The following ZNF75D variants were observed in gnomAD, a reference collection of about 807,000 sequenced individuals.
The protein encoded by ZNF75D is zinc finger protein 75.
ZNF75D carries 33 observed loss-of-function variants against 33.3 expected under a neutral mutation model. That is an observed-to-expected ratio of 0.99 (90% CI 0.75 to 1.32). ZNF75D has a LOEUF of 1.32. ZNF75D is among the 40% of genes most tolerant of loss of function. ZNF75D has a pLI of 0.00. For synonymous variants in ZNF75D, 113 were observed against 130.6 expected (o/e 0.87, Z 0.92); for missense variants, 338 against 367.5 (o/e 0.92, Z 0.66).
At position 135,287,015 on chromosome X, in the gene ZNF75D, T is replaced by A; in HGVS notation, c.*122A>T. ...AAAACAGACAGCTTAGATTCCTTTT[T>A]GTGAAGTGTAACATGTACCCTTCCC... is the stretch of plus-strand genomic sequence containing the variant. On this transcript the variant is annotated 3_prime_UTR_variant, in exon 7 of 7. Transcript: ENST00000370766. 2 of 575,117 alleles carry A rather than the reference T, an allele frequency of 3.5e-6. No individual in the cohort carries two copies. Among genetic ancestry groups the A allele is most frequent in the Non-Finnish European group, 5.6e-6 (2 of 360,199 alleles). The allele number at this position is 575,117 out of a possible 1,213,427, so 47.4% of individuals were successfully genotyped here. A position where few individuals can be genotyped will look rare whatever the true frequency, so the allele number is the denominator to read the frequency against.
rs782121117 is a variant in ZNF75D, at chrX:135,335,926, T to C, written c.-391+5842A>G. 5.3e-5 allele frequency among the ~76,000 whole-genome samples: 6 copies of C among 112,171 alleles called. No individual in the cohort carries two copies. In the South Asian group the frequency reaches 2.2e-3, roughly 42 times the overall value. ...GAATTTTATGGTAATCACCAACTTA[T>C]CCTTTTTTTGTTTTTGCTTCCCACC... On this transcript the variant is annotated intron_variant, in intron 1 of 6. Coordinates refer to ENST00000370766, the MANE Select transcript of ZNF75D (RefSeq NM_007131.5).
chrX:135,316,978 G>A (rs1488558839), intron 1 of ZNF75D, among the ~76,000 whole-genome samples: 1 of 110,440 alleles, frequency 9.1e-6, no homozygotes, highest in Non-Finnish European at 1.9e-5. Flanking sequence ...CTTTTTGATT[G>A]AAATCTGGTT....
At chrX:135,311,477 T>C (rs1008030167) in intron 1 of ZNF75D, among the ~76,000 whole-genome samples, 3 of 112,605 alleles carry the variant, frequency 2.7e-5, no homozygotes, top group Admixed American at 9.4e-5. Context: ...TGTGTATACA[T>C]TGTGAAATGG....
In ZNF75D at chrX:135,292,621, T is replaced by C. The variant is rs782122617; in HGVS notation, c.412-148A>G. 4.1e-4 allele frequency: 192 copies of C among 472,266 alleles called. 4 individuals carry two copies. In the South Asian group the frequency reaches 7.9e-3, roughly 19 times the overall value. The allele number at this position is 472,266 out of a possible 1,213,427, so 38.9% of individuals were successfully genotyped here. On this transcript the variant is annotated intron_variant, in intron 3 of 6. Transcript: ENST00000370766. ...AGAATGAAGAGGTATTGTGCCACTA[T>C]GTTCTCATAAAGAACTATACTCAAA...
intron 1 of ZNF75D, among the ~76,000 whole-genome samples, chrX:135,303,978 T>C (rs2084253683): frequency 8.9e-6 from 1 of 112,599 alleles, no homozygotes; most frequent in South Asian, 3.7e-4. Context: ...CCTAACATAA[T>C]GCTCAAAGAG....
intron 1 of ZNF75D, among the ~76,000 whole-genome samples, chrX:135,300,682 G>A (rs1435915365): frequency 9.2e-6 from 1 of 108,923 alleles, no homozygotes; most frequent in Non-Finnish European, 1.9e-5. Context: ...AGGAGGCGGA[G>A]GTTGCAGTGA....
At chrX:135,331,415 C>G (rs782531104) in intron 1 of ZNF75D, among the ~76,000 whole-genome samples, 19 of 109,842 alleles carry the variant, frequency 1.7e-4, no homozygotes, top group African/African-American at 6.0e-4. Context: ...AGCTAAAGGA[C>G]TGGGAAATAC....
At chrX:135,256,417 G>T (rs782735528) in intron 1 of ZNF75D, among the ~76,000 whole-genome samples, 2 of 110,959 alleles carry the variant, frequency 1.8e-5, no homozygotes, top group Non-Finnish European at 3.8e-5. Flanking sequence ...CCACACACAG[G>T]TGTGTGTGTG....
intron 1 of ZNF75D, among the ~76,000 whole-genome samples, chrX:135,341,471 C>T (rs2084783036): frequency 8.9e-6 from 1 of 111,913 alleles, no homozygotes; most frequent in South Asian, 3.7e-4. Context: ...AGTTTTAGTT[C>T]AGCTTTGTCT....
At chrX:135,273,869 G>C (rs1157921017) in intron 1 of ZNF75D, among the ~76,000 whole-genome samples, 2 of 112,051 alleles carry the variant, frequency 1.8e-5, no homozygotes, top group African/African-American at 3.2e-5. Context: ...ATGTATCCAG[G>C]CTTTGGTGCT....
At chrX:135,265,291 A>G (rs1344528447) in intron 1 of ZNF75D, among the ~76,000 whole-genome samples, 1 of 111,414 alleles carries the variant, frequency 9.0e-6, no homozygotes, top group African/African-American at 3.3e-5. Flanking sequence ...AAGTTCATTC[A>G]AAGGGGTAAT....
chrX:135,338,308 C>T lies in ZNF75D; in HGVS notation c.-391+3460G>A, dbSNP rs151163807. 2.4e-3 allele frequency among the ~76,000 whole-genome samples: 269 copies of T among 111,390 alleles called. 1 individual carries two copies. Among genetic ancestry groups the T allele is most frequent in the African/African-American group, 7.8e-3 (240 of 30,618 alleles). On this transcript the variant is annotated intron_variant, in intron 1 of 6. Transcript: ENST00000370766. ...AGAGGACTCTAGACAGCTGGGGCAGCCTGAGGGCACTGTATACCTGAGGGG... is the reference window on the plus strand; with the variant it reads ...AGAGGACTCTAGACAGCTGGGGCAGTCTGAGGGCACTGTATACCTGAGGGG...
intron 1 of ZNF75D, among the ~76,000 whole-genome samples, chrX:135,334,953 T>G (rs2084693086): frequency 9.0e-6 from 1 of 111,005 alleles, no homozygotes; most frequent in African/African-American, 3.3e-5. Flanking sequence ...CTTTACCTCT[T>G]TACCTTCCCT....
chrX:135,343,718 A>G lies in ZNF75D; in HGVS notation c.-2341T>C, dbSNP rs1602677132. ...GGCTTCCAGACCACCTTGGCCCCGA[A>G]ACCAGTTGTGCCCGCCGGCCAAGGC... On this transcript the variant is annotated 5_prime_UTR_variant, in exon 1 of 7. Transcript: ENST00000370766. 1 of 111,724 alleles carries G rather than the reference A, an allele frequency of 9.0e-6. No homozygotes were observed. Among genetic ancestry groups the G allele is most frequent in the African/African-American group, 3.3e-5 (1 of 30,692 alleles). 9.2% of individuals were successfully genotyped at this position (111,724 alleles called of 1,213,427 possible). A position where few individuals can be genotyped will look rare whatever the true frequency, so the allele number is the denominator to read the frequency against.
chrX:135,319,774 C>T (rs2084473707), intron 1 of ZNF75D, among the ~76,000 whole-genome samples: 1 of 112,173 alleles, frequency 8.9e-6, no homozygotes, highest in Admixed American at 9.4e-5. Flanking sequence ...TGAAGTAGAA[C>T]TTTTGTCTCT....
chrX:135,292,223 G>A, intron 4 of ZNF75D, 58 bp downstream of exon 4: 1 of 1,112,597 alleles, frequency 9.0e-7, no homozygotes, highest in Non-Finnish European at 1.2e-6. Flanking sequence ...GGACATTCTA[G>A]GTGAACTAAT....
At chrX:135,289,433 T>G (rs2084003190) in intron 6 of ZNF75D, among the ~76,000 whole-genome samples, 1 of 111,930 alleles carries the variant, frequency 8.9e-6, no homozygotes, top group African/African-American at 3.2e-5. Context: ...CTAGCCAACA[T>G]GGTGAAACCA....
In ZNF75D at chrX:135,298,987, A is replaced by C. The variant is rs1019229182; in HGVS notation, c.-390-2948T>G. ...ACTTCATTCTTTTTTACTGCTGAAT[A>C]ATATACCATTGTGTGGATATATGAC... On this transcript the variant is annotated intron_variant, in intron 1 of 6. Coordinates refer to ENST00000370766, the MANE Select transcript of ZNF75D (RefSeq NM_007131.5). 3.6e-5 allele frequency among the ~76,000 whole-genome samples: 4 copies of C among 112,480 alleles called. No individual in the cohort carries two copies. In the East Asian group the frequency reaches 1.1e-3, roughly 31 times the overall value.
chrX:135,334,277 TAG>T (rs1291500954), intron 1 of ZNF75D, among the ~76,000 whole-genome samples: 3 of 111,507 alleles, frequency 2.7e-5, no homozygotes, highest in Non-Finnish European at 3.8e-5. Context: ...CAGGTTGGGG[TAG>T]AGAGTGACCC....
Sources: allele counts gnomAD v4.1 joint callset (sites outside exome capture counted in the v4.1 genomes callset), GRCh38; gene constraint gnomAD v4.1.1; transcripts MANE v1.5; gene names NCBI Gene and HGNC (gene_info 2026-07-23, HGNC 2026-07-21).